The following TASP1 variants were observed in gnomAD, a reference collection of about 807,000 sequenced individuals.
TASP1 encodes threonine aspartase 1.
Under a neutral mutation model 56.6 loss-of-function variants are expected in TASP1, and 16 were observed. That is an observed-to-expected ratio of 0.28 (90% CI 0.19 to 0.43). The LOEUF (loss-of-function observed/expected upper bound fraction) is 0.43. TASP1 is among the 20% of genes least tolerant of loss of function. The probability of loss-of-function intolerance (pLI) is 1.00; values close to 1 mark genes in which losing one functional copy is unlikely to be tolerated. For synonymous variants in TASP1, 179 were observed against 184.2 expected, an observed-to-expected ratio of 0.97 and a Z score of 0.23; for missense variants, 393 against 511.6, an observed-to-expected ratio of 0.77 and a Z score of 2.24.
At chr20:13,408,014 C>CT (rs1018305745) in intron 13 of TASP1, among the ~76,000 whole-genome samples, 2 of 152,034 alleles carry the variant, frequency 1.3e-5, no homozygotes, top group African/African-American at 2.4e-5. Flanking sequence ...ATTTTGTGGG[C>CT]TTTTTTTACT....
the TASP1 span, among the ~76,000 whole-genome samples, chr20:13,169,315 C>A: frequency 6.6e-6 from 1 of 151,970 alleles, no homozygotes; most frequent in Non-Finnish European, 1.5e-5. Context: ...GTATTTACAC[C>A]ATGGAAATTG....
the TASP1 span, among the ~76,000 whole-genome samples, chr20:13,325,646 T>G: frequency 4.6e-5 from 7 of 152,312 alleles, no homozygotes; most frequent in Admixed American, 4.6e-4. Context: ...GAAAGCCAGA[T>G]CCAGAATAAT....
chr20:13,247,469 G>T, the TASP1 span, among the ~76,000 whole-genome samples: 1 of 151,684 alleles, frequency 6.6e-6, no homozygotes, highest in Non-Finnish European at 1.5e-5. Context: ...GGACACCTTC[G>T]CCGGATGCTG....
chr20:13,340,653 A>C, the TASP1 span, among the ~76,000 whole-genome samples: 1 of 152,162 alleles, frequency 6.6e-6, no homozygotes, highest in Non-Finnish European at 1.5e-5. Flanking sequence ...AATATTTATC[A>C]TGTTTTAGGG....
At chr20:13,164,210 G>C in the TASP1 span, 1 of 373,272 alleles carries the variant, frequency 2.7e-6, no homozygotes, top group African/African-American at 2.2e-5. Flanking sequence ...AGTTGAAACA[G>C]ACAAGTTCTC....
the TASP1 span, among the ~76,000 whole-genome samples, chr20:13,282,939 T>G: frequency 6.6e-6 from 1 of 152,244 alleles, no homozygotes; most frequent in Non-Finnish European, 1.5e-5. Context: ...GAATGAGTGA[T>G]CATTGCTTCC....
At chr20:13,567,279 G>A (rs1397867260) in intron 7 of TASP1, among the ~76,000 whole-genome samples, 1 of 151,928 alleles carries the variant, frequency 6.6e-6, no homozygotes, top group African/African-American at 2.4e-5. Context: ...AGGGTGAAGG[G>A]TGGGAGGGGG....
At chr20:13,592,172 G>C (rs956533452) in intron 4 of TASP1, among the ~76,000 whole-genome samples, 3 of 152,068 alleles carry the variant, frequency 2.0e-5, no homozygotes, top group Non-Finnish European at 2.9e-5. Context: ...GCCAAGGCAG[G>C]CGTATCACGA....
the TASP1 span, among the ~76,000 whole-genome samples, chr20:13,114,112 C>T: frequency 1.3e-5 from 2 of 152,214 alleles, no homozygotes; most frequent in African/African-American, 2.4e-5. Context: ...CATGTGTCCA[C>T]ATCCAATGAA....
chr20:13,445,813 A>G (rs554251443), intron 11 of TASP1, among the ~76,000 whole-genome samples: 1 of 152,294 alleles, frequency 6.6e-6, no homozygotes, highest in South Asian at 2.1e-4. Flanking sequence ...ATAGTGGCAG[A>G]AGGCAAACTG....
At chr20:13,459,528 ATAATTACAC>A (rs1319062443) in intron 11 of TASP1, among the ~76,000 whole-genome samples, 1 of 152,164 alleles carries the variant, frequency 6.6e-6, no homozygotes. Flanking sequence ...TTTGCTGAAG[ATAATTACAC>A]TACCATGCTG....
chr20:13,354,608 A>G, the TASP1 span, among the ~76,000 whole-genome samples: 3 of 152,232 alleles, frequency 2.0e-5, no homozygotes, highest in African/African-American at 4.8e-5. Context: ...CTCTCATGTG[A>G]TCTTTCTTAG....
At chr20:13,619,319 T>C (rs574588483) in intron 4 of TASP1, among the ~76,000 whole-genome samples, 2 of 152,264 alleles carry the variant, frequency 1.3e-5, no homozygotes, top group African/African-American at 2.4e-5. Flanking sequence ...AATTCATCAG[T>C]TTTCTCACAA....
chr20:13,424,130 T>C (rs1053216873), intron 12 of TASP1, among the ~76,000 whole-genome samples: 1 of 152,158 alleles, frequency 6.6e-6, no homozygotes. Context: ...TGCTTTTCCA[T>C]CAGAAATTTT....
chr20:13,434,919 C>A, intron 12 of TASP1, 125 bp downstream of exon 12: 1 of 595,740 alleles, frequency 1.7e-6, no homozygotes, highest in South Asian at 2.5e-5. Flanking sequence ...CAGGGATGTT[C>A]AGATATCAAT....
At chr20:13,420,292 G>A (rs151075116) in intron 12 of TASP1, among the ~76,000 whole-genome samples, 119 of 152,086 alleles carry the variant, frequency 7.8e-4, no homozygotes, top group African/African-American at 2.8e-3. Flanking sequence ...TTACAAAAGA[G>A]GATAAATTAG....
the TASP1 span, among the ~76,000 whole-genome samples, chr20:13,191,451 T>G: frequency 5.9e-5 from 9 of 152,068 alleles, no homozygotes; most frequent in Admixed American, 5.9e-4. Flanking sequence ...CATACATGAG[T>G]GTGGAGGATA....
At chr20:13,563,547 TA>T (rs1179077949) in intron 7 of TASP1, among the ~76,000 whole-genome samples, 3 of 152,014 alleles carry the variant, frequency 2.0e-5, no homozygotes, top group African/African-American at 7.2e-5. Flanking sequence ...AGCAGCATAT[TA>T]AAAGGATAAT....
At chr20:13,431,369 T>C (rs1339022683) in intron 12 of TASP1, among the ~76,000 whole-genome samples, 2 of 152,166 alleles carry the variant, frequency 1.3e-5, no homozygotes, top group Admixed American at 6.5e-5. Context: ...ATGACTGAAA[T>C]AGTCCCCTTT....
Sources: gnomAD v4.1 joint callset for allele counts (sites outside exome capture counted in the v4.1 genomes callset) on GRCh38, gnomAD v4.1.1 for gene constraint, MANE v1.5 for transcripts, NCBI Gene and HGNC (gene_info 2026-07-23, HGNC 2026-07-21) for gene names.